ANK3: variants seen among roughly 807,000 people sequenced by gnomAD.
ANK3 encodes the protein ankyrin-3.
A neutral mutation model predicts 370.9 loss-of-function variants in ANK3; 57 were observed. The observed-to-expected ratio is 0.15, with a 90% CI of 0.12 to 0.19. The LOEUF (loss-of-function observed/expected upper bound fraction) is 0.19, where lower values mean the gene tolerates loss of function less well. Ranked by LOEUF, ANK3 falls within the 10% of genes least tolerant of loss-of-function variation. The probability of loss-of-function intolerance (pLI) is 1.00; values close to 1 mark genes in which losing one functional copy is unlikely to be tolerated. For synonymous variants in ANK3, 1,929 were observed against 1,946.3 expected, an observed-to-expected ratio of 0.99 and a Z score of 0.23; for missense variants, 4,439 against 5,302.1, an observed-to-expected ratio of 0.84 and a Z score of 5.06.
intron 18 of ANK3, among the ~76,000 whole-genome samples, chr10:60,174,041 T>C (rs964848343): frequency 1.1e-4 from 16 of 152,286 alleles, no homozygotes; most frequent in South Asian, 2.1e-4. Context: ...AGGGAGAACA[T>C]TGACCTTTTA....
chr10:60,682,094 C>T (rs1047153587), intron 1 of ANK3, among the ~76,000 whole-genome samples: 4 of 152,202 alleles, frequency 2.6e-5, no homozygotes, highest in Admixed American at 2.0e-4. Context: ...CTACAGCAAA[C>T]TATGATCATG....
intron 8 of ANK3, among the ~76,000 whole-genome samples, chr10:60,227,744 T>C (rs1487922706): frequency 1.3e-5 from 2 of 152,194 alleles, no homozygotes; most frequent in Non-Finnish European, 2.9e-5. Flanking sequence ...GATACTGTGT[T>C]TTTCAATCTT....
intron 2 of ANK3, among the ~76,000 whole-genome samples, chr10:60,453,288 G>A (rs1459544280): frequency 6.6e-6 from 1 of 152,116 alleles, no homozygotes; most frequent in Non-Finnish European, 1.5e-5. Context: ...CACAGACCGG[G>A]GGCTCTTTTC....
intron 11 of ANK3, among the ~76,000 whole-genome samples, chr10:60,203,413 C>G (rs1463934134): frequency 1.3e-5 from 2 of 151,950 alleles, no homozygotes; most frequent in African/African-American, 4.8e-5. Flanking sequence ...GGTTGTTTTC[C>G]CCTTTACTAA....
chr10:60,336,047 T>G (rs1433019659), intron 1 of ANK3, among the ~76,000 whole-genome samples: 1 of 151,734 alleles, frequency 6.6e-6, no homozygotes, highest in Non-Finnish European at 1.5e-5. Context: ...GGAAGTTTGA[T>G]GATCACTGGT....
At chr10:60,168,324 C>T (rs1466724131) in intron 21 of ANK3, among the ~76,000 whole-genome samples, 1 of 152,148 alleles carries the variant, frequency 6.6e-6, no homozygotes, top group Non-Finnish European at 1.5e-5. Flanking sequence ...CCGCGCCTGG[C>T]CTATTATTAA....
At chr10:60,326,220 A>G (rs937469628) in intron 1 of ANK3, among the ~76,000 whole-genome samples, 2 of 151,990 alleles carry the variant, frequency 1.3e-5, no homozygotes, top group African/African-American at 4.8e-5. Context: ...TGTATAACAA[A>G]CCCCCATGAC....
intron 23 of ANK3, among the ~76,000 whole-genome samples, chr10:60,144,556 TCA>T (rs2094720112): frequency 6.6e-6 from 1 of 152,180 alleles, no homozygotes; most frequent in Non-Finnish European, 1.5e-5. Context: ...TAAAAGCAGT[TCA>T]GAGGCATTTT....
At chr10:60,056,217 C>A (rs1159097632) in intron 41 of ANK3, among the ~76,000 whole-genome samples, 181 bp from the exon 42 acceptor site, 1 of 152,202 alleles carries the variant, frequency 6.6e-6, no homozygotes, top group Non-Finnish European at 1.5e-5. Context: ...TGCCTGTAAT[C>A]CCAGCACCTT....
intron 2 of ANK3, among the ~76,000 whole-genome samples, chr10:60,428,678 T>C (rs1595012415): frequency 9.3e-6 from 1 of 107,890 alleles, no homozygotes; most frequent in African/African-American, 3.6e-5. Context: ...AGGGAATATG[T>C]TGGGTTTCCC....
At chr10:60,327,363 G>C (rs565528408) in intron 1 of ANK3, among the ~76,000 whole-genome samples, 38 of 152,194 alleles carry the variant, frequency 2.5e-4, no homozygotes, top group African/African-American at 8.9e-4. Context: ...GCTGTTTTTT[G>C]TTTTTTCTTT....
At chr10:60,605,018 A>G (rs190201433) in intron 2 of ANK3, among the ~76,000 whole-genome samples, 7 of 152,318 alleles carry the variant, frequency 4.6e-5, no homozygotes, top group Admixed American at 3.3e-4. Context: ...ATTTTCCAGT[A>G]AACACATGAT....
intron 1 of ANK3, among the ~76,000 whole-genome samples, chr10:60,695,215 T>C (rs966073104): frequency 2.0e-5 from 3 of 152,088 alleles, no homozygotes; most frequent in African/African-American, 7.2e-5. Flanking sequence ...CCTAAATATA[T>C]ATGCACCCAA....
At chr10:60,493,853 C>G (rs897254675) in intron 2 of ANK3, among the ~76,000 whole-genome samples, 1 of 152,120 alleles carries the variant, frequency 6.6e-6, no homozygotes, top group African/African-American at 2.4e-5. Context: ...CAAACACAAT[C>G]TTTGGTAATA....
chr10:60,310,669 C>A (rs76939785), intron 1 of ANK3, among the ~76,000 whole-genome samples: 6,403 of 152,190 alleles, frequency 0.042, 445 homozygotes, highest in African/African-American at 0.15. Context: ...ATGCCTATGC[C>A]AGACAGATCT....
chr10:60,593,400 C>T (rs577198567), intron 2 of ANK3, among the ~76,000 whole-genome samples: 1 of 152,164 alleles, frequency 6.6e-6, no homozygotes, highest in East Asian at 1.9e-4. Context: ...GGATATCGTG[C>T]CTTGATCTCA....
At chr10:60,722,192 C>T (rs940651156) in intron 1 of ANK3, among the ~76,000 whole-genome samples, 3 of 151,862 alleles carry the variant, frequency 2.0e-5, no homozygotes, top group Middle Eastern at 3.4e-3. Context: ...AGGATAGGGC[C>T]GCAAAGAAAT....
At chr10:60,611,846 C>T (rs925378328) in intron 2 of ANK3, among the ~76,000 whole-genome samples, 3 of 150,056 alleles carry the variant, frequency 2.0e-5, no homozygotes. Flanking sequence ...TAAATGTTGC[C>T]ACGGGAGTCA....
At chr10:60,511,531 C>T (rs1182732836) in intron 2 of ANK3, among the ~76,000 whole-genome samples, 1 of 152,112 alleles carries the variant, frequency 6.6e-6, no homozygotes, top group Non-Finnish European at 1.5e-5. Flanking sequence ...AAAATAAATA[C>T]TTAATGTGTC....
Sources: allele counts gnomAD v4.1 joint callset (sites outside exome capture counted in the v4.1 genomes callset), GRCh38; gene constraint gnomAD v4.1.1; transcripts MANE v1.5; gene names NCBI Gene and HGNC (gene_info 2026-07-23, HGNC 2026-07-21).